FAM184B: variants seen among roughly 807,000 people sequenced by gnomAD.
FAM184B encodes the protein protein FAM184B.
Under a neutral mutation model 135.9 loss-of-function variants are expected in FAM184B, and 111 were observed. The ratio of observed to expected loss-of-function variants is 0.82; its 90% CI spans 0.70 to 0.96. The LOEUF (loss-of-function observed/expected upper bound fraction) is 0.96. Ranked by LOEUF, FAM184B falls within the 40% of genes least tolerant of loss-of-function variation. The probability of loss-of-function intolerance (pLI) is 0.00; values close to 1 mark genes in which losing one functional copy is unlikely to be tolerated. For missense variants in FAM184B, 1,375 were observed against 1,323.9 expected, an observed-to-expected ratio of 1.04 and a Z score of -0.60; for synonymous variants, 552 against 524.8, an observed-to-expected ratio of 1.05 and a Z score of -0.71.
chr4:17,658,105 C>G lies in FAM184B; in HGVS notation c.2037+245G>C, dbSNP rs548445759. ...CCAAGGTCGCAAGCAGGTGGGGAAA[C>G]GTAGCACAAGAAGCCCAGCAGACCT... On this transcript the variant is annotated intron_variant, in intron 10 of 17. Transcript: ENST00000265018. Among the ~76,000 whole-genome samples the G allele has an allele frequency of 6.3e-4, 96 of 152,312 alleles. 1 individual carries two copies. In the South Asian group the frequency reaches 0.018, roughly 28 times the overall value.
At chr4:17,780,872 C>A (rs1488883061) in intron 1 of FAM184B, among the ~76,000 whole-genome samples, 2 of 152,218 alleles carry the variant, frequency 1.3e-5, no homozygotes, top group African/African-American at 4.8e-5. Context: ...CGGGGACACA[C>A]ACACACACAC....
chr4:17,688,680 CTTTTTTTTTTT>C (rs34337003), intron 6 of FAM184B, 149 bp from the exon 7 acceptor site: 97 of 117,950 alleles, frequency 8.2e-4, no homozygotes, highest in Non-Finnish European at 1.2e-3. Context: ...CTAGAAATGC[CTTTTTTTTTTT>C]TTTTTTTTTT....
chr4:17,675,449 CTT>C (rs528197723), intron 7 of FAM184B, among the ~76,000 whole-genome samples: 78 of 152,186 alleles, frequency 5.1e-4, no homozygotes, highest in African/African-American at 1.7e-3. Context: ...GTAGAGTAGA[CTT>C]CACACAATTC....
At chr4:17,709,861 G>A (rs540235338) in intron 1 of FAM184B, among the ~76,000 whole-genome samples, 1 of 152,214 alleles carries the variant, frequency 6.6e-6, no homozygotes, top group African/African-American at 2.4e-5. Context: ...TGGGAGCAAA[G>A]GGGTGACATT....
chr4:17,748,991 TA>T (rs1489259974), intron 1 of FAM184B, among the ~76,000 whole-genome samples: 1 of 131,278 alleles, frequency 7.6e-6, no homozygotes, highest in Non-Finnish European at 1.6e-5. Context: ...CACACCCAGC[TA>T]ATTTTTTTTT....
intron 5 of FAM184B, 99 bp downstream of exon 5, chr4:17,704,901 G>T: frequency 9.6e-7 from 1 of 1,037,738 alleles, no homozygotes; most frequent in Non-Finnish European, 1.4e-6. Flanking sequence ...CAGGAGCTCA[G>T]TAAATGTTTG....
rs1241017450 is a variant in FAM184B at position 17,684,122 on chromosome 4, A to G, written c.1596+4302T>C. Among the ~76,000 whole-genome samples the G allele has an allele frequency of 1.3e-3, 181 of 143,962 alleles. 2 individuals are homozygous for G. The highest frequency in any genetic ancestry group is 4.5e-3 in the African/African-American group (180 of 39,578). The allele number at this position is 143,962 out of a possible 152,430, so 94.4% of individuals were successfully genotyped here. A position where few individuals can be genotyped will look rare whatever the true frequency, so the allele number is the denominator to read the frequency against. On this transcript the variant is annotated intron_variant, in intron 7 of 17. Coordinates refer to ENST00000265018, the MANE Select transcript of FAM184B (RefSeq NM_015688.2). ...TTATATTATAGTATAAAATAATTAT[A>G]TATAAAATAATTATATATAAAATAA...
chr4:17,751,956 A>C (rs1256891485), intron 1 of FAM184B, among the ~76,000 whole-genome samples: 2 of 151,150 alleles, frequency 1.3e-5, no homozygotes, highest in African/African-American at 4.9e-5. Context: ...AAAAAAGGAG[A>C]ACAGGAAAGA....
At chr4:17,685,198 TAAA>T (rs56051873) in intron 7 of FAM184B, among the ~76,000 whole-genome samples, 9 of 103,488 alleles carry the variant, frequency 8.7e-5, no homozygotes, top group Admixed American at 1.1e-4. Flanking sequence ...CCCTGGAACT[TAAA>T]AAAAAAAAAA....
At chr4:17,665,437 T>C (rs1238517862) in intron 7 of FAM184B, among the ~76,000 whole-genome samples, 2 of 152,248 alleles carry the variant, frequency 1.3e-5, no homozygotes, top group Non-Finnish European at 2.9e-5. Context: ...ATGAAAACAG[T>C]ATAAGACAGG....
intron 2 of FAM184B, 132 bp downstream of exon 2, chr4:17,708,760 T>G: frequency 1.6e-6 from 1 of 608,326 alleles, no homozygotes; most frequent in Non-Finnish European, 2.5e-6. Context: ...TGTAGGTGAA[T>G]TCAATGGAGA....
chr4:17,725,792 G>A (rs773023132), intron 1 of FAM184B, among the ~76,000 whole-genome samples: 6 of 152,160 alleles, frequency 3.9e-5, no homozygotes, highest in Non-Finnish European at 7.3e-5. Flanking sequence ...AGGCCCAGGG[G>A]TTGTGGCATA....
At chr4:17,744,819 G>T (rs903746081) in intron 1 of FAM184B, among the ~76,000 whole-genome samples, 1 of 152,100 alleles carries the variant, frequency 6.6e-6, no homozygotes, top group African/African-American at 2.4e-5. Flanking sequence ...TTCTCCTAAT[G>T]CTTGAATATC....
At chr4:17,746,463 G>A (rs1286817755) in intron 1 of FAM184B, among the ~76,000 whole-genome samples, 1 of 151,866 alleles carries the variant, frequency 6.6e-6, no homozygotes. Context: ...GGGCGCGGTG[G>A]CTCATGCCTG....
At position 17,642,046 on chromosome 4, in the gene FAM184B, G is replaced by A. The variant is rs1167528232; in HGVS notation, c.2519+10C>T. On this transcript the variant is annotated intron_variant, in intron 13 of 17. Coordinates refer to ENST00000265018, the MANE Select transcript of FAM184B (RefSeq NM_015688.2). ...GGTGGCGCGGTGGCGGGGCGCGCCG[G>A]GTCACCCACCTGCGCTGGTCTCGGA... The A allele has an allele frequency of 1.8e-5, 27 of 1,522,668 alleles. No individual in the cohort carries two copies. Among genetic ancestry groups the A allele is most frequent in the Non-Finnish European group, 2.4e-5 (27 of 1,141,340 alleles). 94.3% of individuals were successfully genotyped at this position (1,522,668 alleles called of 1,614,324 possible).
intron 1 of FAM184B, among the ~76,000 whole-genome samples, chr4:17,722,649 C>G (rs191454594): frequency 1.5e-4 from 23 of 152,220 alleles, no homozygotes; most frequent in South Asian, 4.1e-4. Flanking sequence ...AATGAGAGCC[C>G]CACCGTCTAC....
chr4:17,631,568 GTTAT>G lies in FAM184B; in HGVS notation c.*960_*963del, dbSNP rs1714944964. On this transcript the variant is annotated 3_prime_UTR_variant, in exon 18 of 18. Coordinates refer to ENST00000265018, the MANE Select transcript of FAM184B (RefSeq NM_015688.2). The stretch of plus-strand genomic sequence containing the variant: ...GAGACCTATAACTGGGCTAGGATTG[GTTAT>G]TTACAGAAAAACCTTGTGGTACTTA... The G allele has an allele frequency of 6.6e-6, 1 of 152,192 alleles. No individual in the cohort carries two copies. Among genetic ancestry groups the G allele is most frequent in the African/African-American group, 2.4e-5 (1 of 41,426 alleles). 9.4% of individuals were successfully genotyped at this position (152,192 alleles called of 1,614,324 possible). A position where few individuals can be genotyped will look rare whatever the true frequency, so the allele number is the denominator to read the frequency against.
chr4:17,652,155 T>TTTGTTTC (rs1560168173), intron 11 of FAM184B, among the ~76,000 whole-genome samples: 8 of 137,732 alleles, frequency 5.8e-5, no homozygotes, highest in Non-Finnish European at 6.2e-5. Flanking sequence ...TTTTGAGTCT[T>TTTGTTTC]GCACTGTCGC....
chr4:17,638,187 T>TTTGTC (rs1715205749), intron 14 of FAM184B, among the ~76,000 whole-genome samples: 1 of 149,502 alleles, frequency 6.7e-6, no homozygotes, highest in Non-Finnish European at 1.5e-5. Flanking sequence ...TTTTTTTTGT[T>TTTGTC]TTGTTTTGTT....
Sources: gnomAD v4.1 joint callset for allele counts (sites outside exome capture counted in the v4.1 genomes callset) on GRCh38, gnomAD v4.1.1 for gene constraint, MANE v1.5 for transcripts, NCBI Gene and HGNC (gene_info 2026-07-23, HGNC 2026-07-21) for gene names.